The following BRAF variants were observed in gnomAD, a reference collection of about 807,000 sequenced individuals.
BRAF encodes the protein serine/threonine-protein kinase B-raf.
A neutral mutation model predicts 104.6 loss-of-function variants in BRAF; 16 were observed. That is an observed-to-expected ratio of 0.15 (90% confidence interval 0.10 to 0.23). BRAF has a LOEUF of 0.23. BRAF is among the 10% of genes least tolerant of loss of function. The pLI is 1.00. For missense variants in BRAF, 541 were observed against 937.3 expected, an observed-to-expected ratio of 0.58 and a Z score of 5.52; for synonymous variants, 310 against 341.6, an observed-to-expected ratio of 0.91 and a Z score of 1.02.
At chr7:140,919,822 G>GTTTTTTTTT (rs796957025) in intron 1 of BRAF, among the ~76,000 whole-genome samples, 1 of 121,092 alleles carries the variant, frequency 8.3e-6, no homozygotes, top group African/African-American at 2.5e-5. Context: ...CTACAAGCAA[G>GTTTTTTTTT]TTTTTTTGTT....
intron 1 of BRAF, among the ~76,000 whole-genome samples, chr7:140,887,875 GTTTAA>G (rs1280563073): frequency 2.0e-5 from 3 of 147,842 alleles, no homozygotes; most frequent in Non-Finnish European, 4.5e-5. Context: ...CACCATGCTC[GTTTAA>G]TTTTTTTTTT....
intron 7 of BRAF, 184 bp downstream of exon 7, chr7:140,800,178 G>T: frequency 1.1e-6 from 1 of 936,620 alleles, no homozygotes; most frequent in Non-Finnish European, 1.6e-6. Flanking sequence ...AATAGTCTAT[G>T]TCAGCTTTAA....
chr7:140,914,249 T>C (rs1366070597), intron 1 of BRAF, among the ~76,000 whole-genome samples: 1 of 152,210 alleles, frequency 6.6e-6, no homozygotes, highest in Non-Finnish European at 1.5e-5. Context: ...TATGGCCTAC[T>C]AGAAGTTCAG....
At chr7:140,836,163 GT>G (rs1807314764) in intron 2 of BRAF, 1 of 152,082 alleles carries the variant, frequency 6.6e-6, no homozygotes, top group Non-Finnish European at 1.5e-5. Flanking sequence ...CTATAGATAG[GT>G]ATAGCTCAAT....
chr7:140,809,061 A>T, intron 3 of BRAF, 66 bp from the exon 4 acceptor site: 2 of 1,324,550 alleles, frequency 1.5e-6, no homozygotes, highest in East Asian at 4.7e-5. Context: ...ATATCATTAA[A>T]AAAATTTAGT....
At chr7:140,794,521 AT>A in intron 7 of BRAF, 54 bp from the exon 8 acceptor site, 1 of 1,563,506 alleles carries the variant, frequency 6.4e-7, no homozygotes, top group Non-Finnish European at 8.8e-7. Context: ...TATAAAGGTA[AT>A]AATATTTAAA....
intron 1 of BRAF, among the ~76,000 whole-genome samples, chr7:140,899,987 T>A (rs1815416876): frequency 6.6e-6 from 1 of 152,198 alleles, no homozygotes; most frequent in Admixed American, 6.5e-5. Flanking sequence ...GCCTGCTACA[T>A]CCACATGAGG....
At chr7:140,833,040 A>G (rs1806952034) in intron 3 of BRAF, among the ~76,000 whole-genome samples, 1 of 151,746 alleles carries the variant, frequency 6.6e-6, no homozygotes, top group South Asian at 2.1e-4. Context: ...CGCCCCGCTA[A>G]TCTTTTTGTA....
In BRAF at chr7:140,726,494, C is replaced by T; in HGVS notation, c.2424G>A (p.Ter808=). Residue 808 remains the stop codon, a stop_retained_variant, in exon 20 of 20, where the codon TAG becomes TAA. Coordinates refer to ENST00000644969, the MANE Select transcript of BRAF (RefSeq NM_001374258.1). ...GGYGEFAAFK[*] ...AGAGCAGATGCTGCCATGATGGTGG[C>T]TACTTGAAGGCTGCAAATTCTCCTG... 6.5e-7 allele frequency: 1 copy of T among 1,536,444 alleles called. No homozygotes were observed. The highest frequency in any genetic ancestry group is 1.2e-5 in the South Asian group (1 of 84,058).
chr7:140,888,358 T>A (rs1444041580), intron 1 of BRAF, among the ~76,000 whole-genome samples: 2 of 152,158 alleles, frequency 1.3e-5, no homozygotes, highest in Non-Finnish European at 2.9e-5. Context: ...AGTAAACGTA[T>A]GGATTATGTT....
At chr7:140,731,948 G>A (rs998397683) in intron 19 of BRAF, 1 of 151,316 alleles carries the variant, frequency 6.6e-6, no homozygotes, top group Non-Finnish European at 1.5e-5. Context: ...GAGGCGGGCG[G>A]ATCACGAGGT....
chr7:140,807,137 T>C (rs1299988576), intron 5 of BRAF, among the ~76,000 whole-genome samples: 13 of 152,192 alleles, frequency 8.5e-5, no homozygotes, highest in African/African-American at 3.1e-4. Context: ...CCGGGCCTTA[T>C]GCTGGTGACC....
At chr7:140,730,800 GT>G (rs1165572573) in intron 19 of BRAF, 1 of 151,458 alleles carries the variant, frequency 6.6e-6, no homozygotes, top group Non-Finnish European at 1.5e-5. Flanking sequence ...TTATTAACTA[GT>G]TTAAAAATAT....
chr7:140,852,413 CCAAA>C (rs922307828), intron 1 of BRAF, among the ~76,000 whole-genome samples: 32 of 149,246 alleles, frequency 2.1e-4, no homozygotes, highest in Non-Finnish European at 3.1e-4. Flanking sequence ...AAACCAAAAA[CCAAA>C]CAAACAAACA....
intron 1 of BRAF, among the ~76,000 whole-genome samples, chr7:140,921,440 CAT>C (rs1818211398): frequency 5.9e-5 from 9 of 152,080 alleles, no homozygotes; most frequent in Admixed American, 5.9e-4. Flanking sequence ...CATTCCCCAA[CAT>C]ATTTTAAAGA....
In BRAF at chr7:140,872,668, A is replaced by G. The variant is rs569425645; in HGVS notation, c.139-22456T>C. Among the ~76,000 whole-genome samples, 7 of 152,282 alleles carry G rather than the reference A, an allele frequency of 4.6e-5. No individual in the cohort carries two copies. The East Asian group carries it at 1.2e-3, about 25-fold the overall frequency. ...TCAGGAGCTTGAGACCAACCTGGGC[A>G]ACATAGCGAGACCTCATCTCTACCA... is the stretch of plus-strand genomic sequence containing the variant. On this transcript the variant is annotated intron_variant, in intron 1 of 19. Coordinates refer to ENST00000644969, the MANE Select transcript of BRAF (RefSeq NM_001374258.1).
At chr7:140,718,906 C>T (rs1056685249), downstream of BRAF, among the ~76,000 whole-genome samples, 4 of 152,064 alleles carry the variant, frequency 2.6e-5, no homozygotes, top group African/African-American at 7.2e-5. Flanking sequence ...TGTTAGCGTG[C>T]GTGTGCTGTG....
chr7:140,727,491 T>C (rs986421411), intron 19 of BRAF, among the ~76,000 whole-genome samples: 3 of 152,050 alleles, frequency 2.0e-5, no homozygotes. Flanking sequence ...GCCGCCATTA[T>C]TTTTCATCTA....
rs367827279 is a variant in BRAF at position 140,724,232 on chromosome 7, A to T, written c.*2262T>A. ...CCCTGCCCCACGGAGGCAGTCCCGG[A>T]CCCAGGCTGCACATGTTCTACCTCC... On this transcript the variant is annotated 3_prime_UTR_variant, in exon 20 of 20. Coordinates refer to ENST00000644969, the MANE Select transcript of BRAF (RefSeq NM_001374258.1). 2.7e-4 allele frequency: 284 copies of T among 1,059,480 alleles called. No individual in the cohort carries two copies. The African/African-American group carries it at 4.3e-3, about 16-fold the overall frequency. 65.6% of individuals were successfully genotyped at this position (1,059,480 alleles called of 1,614,324 possible).
Sources: allele counts gnomAD v4.1 joint callset (sites outside exome capture counted in the v4.1 genomes callset), GRCh38; gene constraint gnomAD v4.1.1; transcripts MANE v1.5; gene names NCBI Gene and HGNC (gene_info 2026-07-23, HGNC 2026-07-21).